The following DLGAP1 variants were observed in gnomAD, a reference collection of about 807,000 sequenced individuals.
DLGAP1 encodes disks large-associated protein 1.
In DLGAP1, 11 loss-of-function variants were observed where a neutral mutation model predicts 90.8. The observed-to-expected ratio is 0.12, with a 90% CI of 0.08 to 0.20. DLGAP1 has a LOEUF of 0.20. Ranked by LOEUF, DLGAP1 falls within the 10% of genes least tolerant of loss-of-function variation. The pLI, the probability that DLGAP1 is intolerant of heterozygous loss-of-function variation, is 1.00. For missense variants in DLGAP1, 1,050 were observed against 1,333.8 expected (o/e 0.79, Z 3.31); for synonymous variants, 558 against 540.7 (o/e 1.03, Z -0.44).
intron 10 of DLGAP1, among the ~76,000 whole-genome samples, chr18:3,523,683 T>TA (rs537654481): frequency 6.6e-6 from 1 of 151,716 alleles, no homozygotes; most frequent in East Asian, 2.0e-4. Flanking sequence ...CCGTCTCTAC[T>TA]AAAAATACAA....
chr18:3,816,914 T>A (rs1205407560), intron 4 of DLGAP1, among the ~76,000 whole-genome samples: 1 of 152,246 alleles, frequency 6.6e-6, no homozygotes, highest in Non-Finnish European at 1.5e-5. Flanking sequence ...TTATTAATTA[T>A]GCTAGTAACA....
chr18:3,901,121 C>A (rs557884206), intron 3 of DLGAP1, among the ~76,000 whole-genome samples: 3 of 152,258 alleles, frequency 2.0e-5, no homozygotes, highest in Non-Finnish European at 4.4e-5. Context: ...TGGGCTGCAA[C>A]CACCAAACGA....
intron 7 of DLGAP1, among the ~76,000 whole-genome samples, chr18:3,619,168 T>A (rs1327756289): frequency 2.0e-5 from 3 of 152,186 alleles, no homozygotes; most frequent in Non-Finnish European, 2.9e-5. Context: ...AATAAGCTTC[T>A]GTTGTTTAAG....
At chr18:4,322,518 G>A (rs1413066500) in intron 1 of DLGAP1, among the ~76,000 whole-genome samples, 3 of 152,124 alleles carry the variant, frequency 2.0e-5, no homozygotes, top group Non-Finnish European at 4.4e-5. Flanking sequence ...ATACTTAAAC[G>A]TAAGACCTGA....
intron 7 of DLGAP1, among the ~76,000 whole-genome samples, chr18:3,646,619 T>C (rs2059122454): frequency 6.6e-6 from 1 of 152,124 alleles, no homozygotes. Flanking sequence ...CACATGATCA[T>C]TGCTCTTTAA....
At chr18:3,832,514 TA>T (rs1196085935) in intron 4 of DLGAP1, among the ~76,000 whole-genome samples, 1 of 152,148 alleles carries the variant, frequency 6.6e-6, no homozygotes, top group Non-Finnish European at 1.5e-5. Flanking sequence ...TCGTTTAGAC[TA>T]AAAAATTCTG....
chr18:3,645,100 T>C (rs896645178), intron 7 of DLGAP1, among the ~76,000 whole-genome samples: 2 of 152,160 alleles, frequency 1.3e-5, no homozygotes, highest in Non-Finnish European at 2.9e-5. Context: ...ATTTTAATTT[T>C]TTTGTTTTTC....
chr18:3,814,970 G>A (rs765768126), intron 4 of DLGAP1, among the ~76,000 whole-genome samples: 7 of 152,026 alleles, frequency 4.6e-5, no homozygotes, highest in South Asian at 2.1e-4. Context: ...ACAAATCCAC[G>A]TCTCTCAGTC....
intron 5 of DLGAP1, among the ~76,000 whole-genome samples, chr18:3,766,727 G>A (rs557966631): frequency 6.6e-6 from 1 of 152,188 alleles, no homozygotes; most frequent in East Asian, 1.9e-4. Context: ...ATAAGCCATA[G>A]ATAAAAGAGG....
At chr18:4,090,455 A>G (rs1342689797) in intron 2 of DLGAP1, among the ~76,000 whole-genome samples, 1 of 152,260 alleles carries the variant, frequency 6.6e-6, no homozygotes. Flanking sequence ...ACACTTCTTC[A>G]AAGAAGACAT....
At chr18:3,896,666 G>C (rs2071632478) in intron 3 of DLGAP1, 1 of 152,260 alleles carries the variant, frequency 6.6e-6, no homozygotes, top group Non-Finnish European at 1.5e-5. Flanking sequence ...ACTGTGGACT[G>C]AAGGACATCG....
At chr18:3,677,282 C>G (rs531445336) in intron 7 of DLGAP1, among the ~76,000 whole-genome samples, 1 of 152,236 alleles carries the variant, frequency 6.6e-6, no homozygotes, top group African/African-American at 2.4e-5. Context: ...CACTCCTTCA[C>G]GTCCACTGAA....
chr18:4,296,816 C>A (rs1183289500), intron 1 of DLGAP1, among the ~76,000 whole-genome samples: 5 of 152,194 alleles, frequency 3.3e-5, no homozygotes, highest in African/African-American at 9.6e-5. Context: ...TACCTGTGCA[C>A]TGAAAGACAG....
intron 2 of DLGAP1, among the ~76,000 whole-genome samples, chr18:4,099,238 ATCTG>A (rs35402489): frequency 0.055 from 6,304 of 114,038 alleles, 182 homozygotes; most frequent in Middle Eastern, 0.11. Context: ...TTGAAAATAG[ATCTG>A]TCTGTCTGTC....
rs181835394 is a variant in DLGAP1 at position 4,077,147 on chromosome 18, T to C, written c.-158-71946A>G. On this transcript the variant is annotated intron_variant, in intron 2 of 12. Transcript: ENST00000315677. ...CAGATCTTGTCCTTTCAGTATTTTA[T>C]CATCTAAATGCATAGTTAATATAAA... Among the ~76,000 whole-genome samples the C allele has an allele frequency of 6.6e-5, 10 of 152,284 alleles. No homozygotes were observed. In the East Asian group the frequency reaches 1.9e-3, roughly 29 times the overall value.
At position 3,526,360 on chromosome 18, in the gene DLGAP1, T is replaced by G. The variant is rs151040803; in HGVS notation, c.2479+7834A>C. Among the ~76,000 whole-genome samples the G allele has an allele frequency of 9.9e-5, 15 of 152,238 alleles. No individual in the cohort carries two copies. Among genetic ancestry groups the G allele is most frequent in the African/African-American group, 3.6e-4 (15 of 41,536 alleles). On this transcript the variant is annotated intron_variant, in intron 10 of 12. Transcript: ENST00000315677. The surrounding 1 kb of genome is among the most constrained non-coding windows in gnomAD (Gnocchi z 4.7). ...GATAAACCCTGGGTGATGGCACCGATAGACCATCACAATGACTGTGCACAG... is the reference window on the plus strand; with the variant it reads ...GATAAACCCTGGGTGATGGCACCGAGAGACCATCACAATGACTGTGCACAG...
intron 10 of DLGAP1, among the ~76,000 whole-genome samples, chr18:3,530,994 C>T (rs999957952): frequency 2.6e-5 from 4 of 151,908 alleles, no homozygotes; most frequent in African/African-American, 7.3e-5. Context: ...TGAAGATATC[C>T]CCAGTCTGAT....
intron 1 of DLGAP1, among the ~76,000 whole-genome samples, chr18:4,408,564 G>A (rs192894297): frequency 4.6e-5 from 7 of 152,046 alleles, no homozygotes; most frequent in African/African-American, 1.2e-4. Context: ...TATGGCATAC[G>A]AGACGTATTG....
At chr18:3,521,738 A>C (rs2051205042) in intron 10 of DLGAP1, among the ~76,000 whole-genome samples, 1 of 152,150 alleles carries the variant, frequency 6.6e-6, no homozygotes, top group Non-Finnish European at 1.5e-5. Flanking sequence ...CCAGAATGTG[A>C]GCTCTTTGAT....
Sources: gnomAD v4.1 joint callset for allele counts (sites outside exome capture counted in the v4.1 genomes callset) on GRCh38, gnomAD v4.1.1 for gene constraint, Gnocchi (gnomAD v3.1) non-coding constraint, MANE v1.5 for transcripts, NCBI Gene and HGNC (gene_info 2026-07-23, HGNC 2026-07-21) for gene names.